The following PNKD variants were observed in gnomAD, a reference collection of about 807,000 sequenced individuals.
PNKD encodes probable thioesterase PNKD.
PNKD carries 36 observed loss-of-function variants against 45.3 expected under a neutral mutation model. That is an observed-to-expected ratio of 0.80 (90% confidence interval 0.61 to 1.05). The LOEUF is 1.05. Among genes scored for constraint, PNKD ranks in the 50% least tolerant of loss-of-function variants. The probability of loss-of-function intolerance (pLI) is 0.00; values close to 1 mark genes in which losing one functional copy is unlikely to be tolerated. For missense variants in PNKD, 511 were observed against 506.6 expected, an observed-to-expected ratio of 1.01 and a Z score of -0.08; for synonymous variants, 197 against 210.1, an observed-to-expected ratio of 0.94 and a Z score of 0.54.
chr2:218,299,454 C>T (rs1326023639), intron 2 of PNKD, among the ~76,000 whole-genome samples: 7 of 150,616 alleles, frequency 4.6e-5, no homozygotes, highest in Non-Finnish European at 8.9e-5. Context: ...TTTGTTTATT[C>T]ATTTATTTTT....
rs1694656864 is a variant in PNKD at position 218,340,953 on chromosome 2, G to GTCTCCCAC, written c.524+168_524+175dup. ...CAGCAGGGAGGGAGGAGAGGGGACA[G>GTCTCCCAC]TCTCCCACCACTCCATTGATCAAGC... On this transcript the variant is annotated intron_variant, in intron 5 of 9. Coordinates refer to ENST00000273077, the MANE Select transcript of PNKD (RefSeq NM_015488.5). The surrounding 1 kb of genome is among the most constrained non-coding windows in gnomAD (Gnocchi z 4.2). The GTCTCCCAC allele has an allele frequency of 1.5e-6, 1 of 678,352 alleles. No individual in the cohort carries two copies. The highest frequency in any genetic ancestry group is 2.7e-6 in the Non-Finnish European group (1 of 373,070). 42.0% of individuals were successfully genotyped at this position (678,352 alleles called of 1,614,324 possible). A position where few individuals can be genotyped will look rare whatever the true frequency, so the allele number is the denominator to read the frequency against.
chr2:218,311,468 G>A (rs1372713803), intron 2 of PNKD, among the ~76,000 whole-genome samples: 2 of 152,106 alleles, frequency 1.3e-5, no homozygotes, highest in Non-Finnish European at 2.9e-5. Flanking sequence ...GGCAACAGGT[G>A]GGGAGAAGGT....
chr2:218,304,545 C>A (rs778273775), intron 2 of PNKD, among the ~76,000 whole-genome samples: 5 of 152,174 alleles, frequency 3.3e-5, no homozygotes, highest in Non-Finnish European at 5.9e-5. Flanking sequence ...TGCCGGTAGC[C>A]TTGCAGAGCA....
In PNKD at chr2:218,340,773, A is replaced by T; in HGVS notation, c.511A>T (p.Thr171Ser). 6.2e-7 allele frequency: 1 copy of T among 1,613,418 alleles called. No homozygotes were observed. Among genetic ancestry groups the T allele is most frequent in the Middle Eastern group, 1.6e-4 (1 of 6,062 alleles). ...EGVTLVAILC[T>S]HKHWDHSGGN... Reference sequence around the variant, plus strand: ...GGTCACCTTGGTCGCCATTCTGTGTACTCACAAGCACTGGTAAGGGGCTCC... The same window carrying T: ...GGTCACCTTGGTCGCCATTCTGTGTTCTCACAAGCACTGGTAAGGGGCTCC... Residue 171 changes from threonine (T) to serine (S), a missense_variant, in exon 5 of 10, where the codon ACT becomes TCT. Thr to Ser is a moderately conservative substitution (Grantham distance 58). Coordinates refer to ENST00000273077, the MANE Select transcript of PNKD (RefSeq NM_015488.5). This position sits in a 1 kb window ranked among gnomAD's most constrained non-coding sequence, Gnocchi z 4.2.
At position 218,293,927 on chromosome 2, in the gene PNKD, T is replaced by TA. The variant is rs56100300; in HGVS notation, c.236+22400dup. ...CACGTCCAGCCCCAAAACAGAGATTTAAAAAAAAAAAAAAAAAAAAAAGAC... is the reference window on the plus strand; with the variant it reads ...CACGTCCAGCCCCAAAACAGAGATTTAAAAAAAAAAAAAAAAAAAAAAAGAC... On this transcript the variant is annotated intron_variant, in intron 2 of 9. Transcript: ENST00000273077. 2.6e-3 allele frequency among the ~76,000 whole-genome samples: 308 copies of TA among 118,856 alleles called. 3 individuals are homozygous for TA. Among genetic ancestry groups the TA allele is most frequent in the Middle Eastern group, 8.7e-3 (2 of 230 alleles). 78.0% of individuals were successfully genotyped at this position (118,856 alleles called of 152,430 possible). A position where few individuals can be genotyped will look rare whatever the true frequency, so the allele number is the denominator to read the frequency against.
At chr2:218,300,098 G>C (rs907536228) in intron 2 of PNKD, among the ~76,000 whole-genome samples, 3 of 151,990 alleles carry the variant, frequency 2.0e-5, no homozygotes, top group Non-Finnish European at 2.9e-5. Flanking sequence ...TTTCCTCCTT[G>C]ACCAGCTTGG....
rs892592147 is a variant in PNKD at position 218,344,707 on chromosome 2, A to G, written c.985-101A>G. ...TTGGCCCATGGGCCCTCAAGTCAGA[A>G]CTCCTGAACTCCAGGATGGGGCAGG... On this transcript the variant is annotated intron_variant, in intron 9 of 9. Coordinates refer to ENST00000273077, the MANE Select transcript of PNKD (RefSeq NM_015488.5). 74 of 1,422,968 alleles carry G rather than the reference A, an allele frequency of 5.2e-5. No individual in the cohort carries two copies. In the African/African-American group the frequency reaches 8.3e-4, roughly 16 times the overall value. 88.1% of individuals were successfully genotyped at this position (1,422,968 alleles called of 1,614,324 possible).
rs532500016 is a variant in PNKD, at chr2:218,294,959, C to T, written c.236+23410C>T. Among the ~76,000 whole-genome samples, 10 of 152,280 alleles carry T rather than the reference C, an allele frequency of 6.6e-5. No individual in the cohort carries two copies. In the East Asian group the frequency reaches 9.7e-4, roughly 15 times the overall value. ...GGCCCCTTCTCCAGAAAACACCCTC[C>T]ACTTTCTAGAACCACCAGGATGGTT... On this transcript the variant is annotated intron_variant, in intron 2 of 9. Coordinates refer to ENST00000273077, the MANE Select transcript of PNKD (RefSeq NM_015488.5).
chr2:218,296,626 T>C (rs949853713), intron 2 of PNKD, among the ~76,000 whole-genome samples: 4 of 152,196 alleles, frequency 2.6e-5, no homozygotes, highest in Non-Finnish European at 1.5e-5. Context: ...ACCCATGCAT[T>C]GATCACTAAC....
chr2:218,295,394 G>A (rs1693117888), intron 2 of PNKD, among the ~76,000 whole-genome samples: 1 of 152,194 alleles, frequency 6.6e-6, no homozygotes, highest in African/African-American at 2.4e-5. Flanking sequence ...GACAAGTGCT[G>A]GCAGATAAAG....
At chr2:218,302,518 T>C (rs1482480353) in intron 2 of PNKD, among the ~76,000 whole-genome samples, 1 of 152,122 alleles carries the variant, frequency 6.6e-6, no homozygotes, top group Non-Finnish European at 1.5e-5. Flanking sequence ...CCCCTGAAGC[T>C]GAAAGAGCTT....
intron 2 of PNKD, among the ~76,000 whole-genome samples, chr2:218,276,649 A>C (rs1691243442): frequency 6.6e-6 from 1 of 151,448 alleles, no homozygotes; most frequent in South Asian, 2.1e-4. Context: ...AGACCCCCGC[A>C]AGGTCCCTTC....
intron 7 of PNKD, among the ~76,000 whole-genome samples, chr2:218,342,355 T>C (rs1694704263): frequency 6.6e-6 from 1 of 151,982 alleles, no homozygotes; most frequent in Non-Finnish European, 1.5e-5. Flanking sequence ...CACTTGAGGC[T>C]AGGAGTTGGA....
intron 2 of PNKD, among the ~76,000 whole-genome samples, chr2:218,307,233 G>C (rs1021321676): frequency 1.3e-5 from 2 of 152,056 alleles, no homozygotes; most frequent in Admixed American, 1.3e-4. Flanking sequence ...CCAGGGACTG[G>C]GGGAGGCAAT....
intron 2 of PNKD, chr2:218,276,931 G>T: frequency 7.5e-7 from 1 of 1,326,834 alleles, no homozygotes; most frequent in Non-Finnish European, 1.1e-6. Context: ...TTTGGGGCCT[G>T]CGAGACCATG....
Position 218,278,135 on chromosome 2 carries a change from C to T in PNKD, c.236+6586C>T, listed in dbSNP as rs182369993. On this transcript the variant is annotated intron_variant, in intron 2 of 9. Coordinates refer to ENST00000273077, the MANE Select transcript of PNKD (RefSeq NM_015488.5). ...CTTTGGCACCTGTTCAGGTGTGGTA[C>T]GCAGGGACAACATGGGCCAATGAGA... 353 of 757,992 alleles carry T rather than the reference C, an allele frequency of 4.7e-4. 1 individual carries two copies. In the African/African-American group the frequency reaches 5.1e-3, roughly 11 times the overall value. 47.0% of individuals were successfully genotyped at this position (757,992 alleles called of 1,614,324 possible).
rs2106298910 is a variant in PNKD, at chr2:218,344,874, C to G, written c.1051C>G (p.Gln351Glu). The change falls in exon 10 of 10, where the codon CAG becomes GAG. Residue 351 changes from glutamine to glutamate, a missense_variant. Gln to Glu is a conservative substitution (Grantham distance 29, BLOSUM62 2). Coordinates refer to ENST00000273077, the MANE Select transcript of PNKD (RefSeq NM_015488.5). ...CCTGAGAACCCACTGCCTGGCGCTA[C>G]AGGAGGCTCTGGGGCCGGGGCCGGG... Reference protein sequence around the residue: ...PFLRTHCLALQEALGPGPGPT... With the variant: ...PFLRTHCLALEEALGPGPGPT... 2 of 1,613,996 alleles carry G rather than the reference C, an allele frequency of 1.2e-6. No individual in the cohort carries two copies. The highest frequency in any genetic ancestry group is 2.2e-5 in the East Asian group (1 of 44,890).
At chr2:218,330,066 A>C (rs977763152) in intron 2 of PNKD, among the ~76,000 whole-genome samples, 3 of 152,110 alleles carry the variant, frequency 2.0e-5, no homozygotes, top group Non-Finnish European at 2.9e-5. Context: ...GTCCCAGTGG[A>C]GTCTGGGGCC....
intron 2 of PNKD, chr2:218,278,130 T>C (rs1453934932): frequency 5.1e-6 from 4 of 779,886 alleles, no homozygotes; most frequent in East Asian, 2.7e-5. Flanking sequence ...TGTTCAGGTG[T>C]GGTACGCAGG....
Sources: allele counts gnomAD v4.1 joint callset (sites outside exome capture counted in the v4.1 genomes callset), GRCh38; gene constraint gnomAD v4.1.1; non-coding constraint Gnocchi (gnomAD v3.1); transcripts MANE v1.5; gene names NCBI Gene and HGNC (gene_info 2026-07-23, HGNC 2026-07-21).